The following NELL1 variants were observed in gnomAD, a reference collection of about 807,000 sequenced individuals.
NELL1 encodes protein kinase C-binding protein NELL1.
NELL1 carries 76 observed loss-of-function variants against 107.4 expected under a neutral mutation model. The observed-to-expected ratio is 0.71, with a 90% CI of 0.59 to 0.86. The LOEUF (loss-of-function observed/expected upper bound fraction) is 0.86, where lower values mean the gene tolerates loss of function less well. Among genes scored for constraint, NELL1 ranks in the 40% least tolerant of loss-of-function variants. The pLI is 0.00. For synonymous variants in NELL1, 353 were observed against 341.2 expected (o/e 1.03, Z -0.38); for missense variants, 1,024 against 1,005.5 (o/e 1.02, Z -0.25).
At chr11:21,129,445 G>A in intron 13 of NELL1, among the ~76,000 whole-genome samples, 1 of 152,194 alleles carries the variant, frequency 6.6e-6, no homozygotes, top group Non-Finnish European at 1.5e-5. Flanking sequence ...GGGTCTTGAA[G>A]AGATATTTGC....
intron 14 of NELL1, among the ~76,000 whole-genome samples, chr11:21,296,769 G>T (rs1254775187): frequency 6.6e-6 from 1 of 151,826 alleles, no homozygotes; most frequent in Non-Finnish European, 1.5e-5. Context: ...TTGAAAAGTG[G>T]CTCTGGGTTG....
At chr11:21,298,459 C>T (rs144509653) in intron 14 of NELL1, among the ~76,000 whole-genome samples, 1 of 152,104 alleles carries the variant, frequency 6.6e-6, no homozygotes, top group East Asian at 1.9e-4. Flanking sequence ...AGTGAGCTCA[C>T]CTCTCTGACA....
chr11:20,962,981 C>T (rs900637694), intron 12 of NELL1, among the ~76,000 whole-genome samples: 13 of 152,104 alleles, frequency 8.5e-5, no homozygotes, highest in African/African-American at 2.2e-4. Flanking sequence ...ACTGGGCATC[C>T]GGCTGGGAGG....
chr11:21,483,990 CATATATATATATATATATATATATATAT>C (rs781565679), intron 15 of NELL1, among the ~76,000 whole-genome samples: 5 of 88,404 alleles, frequency 5.7e-5, no homozygotes, highest in Non-Finnish European at 1.1e-4. Flanking sequence ...TTTTACTTAA[CATATATATATATATATATATATATATAT>C]ATATATATAT....
chr11:20,803,155 A>C (rs1857313045), intron 3 of NELL1, among the ~76,000 whole-genome samples: 1 of 152,012 alleles, frequency 6.6e-6, no homozygotes, highest in Non-Finnish European at 1.5e-5. Flanking sequence ...GTTTTTTTTA[A>C]AATGTTTGGC....
intron 2 of NELL1, among the ~76,000 whole-genome samples, chr11:20,698,837 C>A (rs1321622234): frequency 2.0e-5 from 3 of 152,274 alleles, no homozygotes; most frequent in East Asian, 1.9e-4. Flanking sequence ...TTATATTATT[C>A]TTTTCCTTTG....
chr11:21,248,016 A>C (rs910461157), intron 14 of NELL1, among the ~76,000 whole-genome samples: 46 of 152,186 alleles, frequency 3.0e-4, no homozygotes, highest in Non-Finnish European at 5.7e-4. Flanking sequence ...CATTGGCAGA[A>C]ATTTTAAAAG....
rs185022076 is a variant in NELL1 at position 21,280,719 on chromosome 11, A to G, written c.1549+51265A>G. Among the ~76,000 whole-genome samples, 360 of 152,256 alleles carry G rather than the reference A, an allele frequency of 2.4e-3. 2 individuals carry two copies. The highest frequency in any genetic ancestry group is 8.1e-3 in the African/African-American group (338 of 41,570). On this transcript the variant is annotated intron_variant, in intron 14 of 19. Transcript: ENST00000357134. ...ACTGCAAGCCTCAGCAAAGCGGGCT[A>G]AAATGCTATGGGGCGTTAAATAATG...
Position 20,847,574 on chromosome 11 carries a change from T to G in NELL1, c.336-9T>G. 1 of 1,610,980 alleles carries G rather than the reference T, an allele frequency of 6.2e-7. No individual in the cohort carries two copies. Among genetic ancestry groups the G allele is most frequent in the African/African-American group, 1.3e-5 (1 of 74,928 alleles). ...AAAATAAAACAAATGTTTGTTCCTTTACATACAGCTATTTTGAACTGGAGA... is the reference window on the plus strand; with the variant it reads ...AAAATAAAACAAATGTTTGTTCCTTGACATACAGCTATTTTGAACTGGAGA... On this transcript the variant is annotated splice_polypyrimidine_tract_variant and intron_variant, in intron 3 of 19. Coordinates refer to ENST00000357134, the MANE Select transcript of NELL1 (RefSeq NM_006157.5).
intron 14 of NELL1, among the ~76,000 whole-genome samples, chr11:21,328,864 C>A (rs1336075802): frequency 2.0e-5 from 3 of 152,126 alleles, no homozygotes; most frequent in Admixed American, 6.5e-5. Context: ...TTTGTTTTGG[C>A]CAATTTCTCC....
rs78724287 is a variant in NELL1, at chr11:20,831,350, A to G, written c.336-16233A>G. On this transcript the variant is annotated intron_variant, in intron 3 of 19. Transcript: ENST00000357134. ...AGCCTGCATTTTGACAAGTTGACTC[A>G]TGTGCACCTTCACGTTCGAGGAACA... is the stretch of plus-strand genomic sequence containing the variant. Among the ~76,000 whole-genome samples the G allele has an allele frequency of 4.0e-3, 605 of 152,284 alleles. 3 individuals carry two copies. Among genetic ancestry groups the G allele is most frequent in the African/African-American group, 0.013 (559 of 41,560 alleles).
intron 12 of NELL1, among the ~76,000 whole-genome samples, chr11:20,980,413 C>G (rs1851726789): frequency 6.6e-6 from 1 of 152,070 alleles, no homozygotes; most frequent in Non-Finnish European, 1.5e-5. Context: ...CCCTGTGGTT[C>G]TTGAATGTGG....
chr11:20,799,595 G>C (rs151059606), intron 3 of NELL1, among the ~76,000 whole-genome samples: 530 of 152,284 alleles, frequency 3.5e-3, no homozygotes, highest in Middle Eastern at 6.8e-3. Context: ...TGGTAGGAGT[G>C]AATTGGTAGT....
chr11:20,722,756 C>G (rs969339749), intron 2 of NELL1, among the ~76,000 whole-genome samples: 3 of 152,174 alleles, frequency 2.0e-5, no homozygotes, highest in Non-Finnish European at 2.9e-5. Context: ...GAGTTCATTA[C>G]CAAGCAAGCC....
chr11:21,431,743 C>T (rs1852970036), intron 15 of NELL1, among the ~76,000 whole-genome samples: 2 of 152,178 alleles, frequency 1.3e-5, no homozygotes, highest in Non-Finnish European at 2.9e-5. Flanking sequence ...GACTGTTTTG[C>T]TCTTTCTCCT....
chr11:20,975,720 T>C (rs1851598043), intron 12 of NELL1, among the ~76,000 whole-genome samples: 1 of 102,472 alleles, frequency 9.8e-6, no homozygotes, highest in Admixed American at 9.3e-5. Flanking sequence ...ACATATTATA[T>C]ATGTATTATA....
chr11:21,074,635 G>T (rs1181739640), intron 12 of NELL1, among the ~76,000 whole-genome samples: 1 of 151,196 alleles, frequency 6.6e-6, no homozygotes, highest in Non-Finnish European at 1.5e-5. Flanking sequence ...CAGTCCTCCA[G>T]AGATACTGAT....
At chr11:21,303,606 C>T (rs936597508) in intron 14 of NELL1, among the ~76,000 whole-genome samples, 9 of 152,018 alleles carry the variant, frequency 5.9e-5, no homozygotes, top group Non-Finnish European at 1.0e-4. Flanking sequence ...GTGGAGATTT[C>T]TCAAAGATCT....
intron 12 of NELL1, among the ~76,000 whole-genome samples, chr11:21,097,848 T>C (rs1203829120): frequency 2.0e-5 from 3 of 152,208 alleles, no homozygotes; most frequent in East Asian, 1.9e-4. Flanking sequence ...TATTAGTTTA[T>C]GCATTCATTC....
Sources: allele counts gnomAD v4.1 joint callset (sites outside exome capture counted in the v4.1 genomes callset), GRCh38; gene constraint gnomAD v4.1.1; transcripts MANE v1.5; gene names NCBI Gene and HGNC (gene_info 2026-07-23, HGNC 2026-07-21).